The following ATP8B3 variants were observed in gnomAD, a reference collection of about 807,000 sequenced individuals.
ATP8B3 encodes the protein phospholipid-transporting ATPase IK.
A neutral mutation model predicts 140.9 loss-of-function variants in ATP8B3; 141 were observed. The ratio of observed to expected loss-of-function variants is 1.00; its 90% CI spans 0.87 to 1.15. The LOEUF is 1.15. ATP8B3 is among the 50% of genes most tolerant of loss of function. ATP8B3 has a pLI of 0.00. For synonymous variants in ATP8B3, 765 were observed against 714.6 expected (o/e 1.07, Z -1.13); for missense variants, 1,874 against 1,740.6 (o/e 1.08, Z -1.36).
In ATP8B3 at chr19:1,800,233, C is replaced by G. The variant is rs377053479; in HGVS notation, c.1343+26G>C. Reference sequence around the variant, plus strand: ...ATGCCTCCCCGTTCCGCGTTTGCACCGGGGACGCAGCCGGCGGAGACTCAC... The same window carrying G: ...ATGCCTCCCCGTTCCGCGTTTGCACGGGGGACGCAGCCGGCGGAGACTCAC... On this transcript the variant is annotated intron_variant, in intron 13 of 28. Coordinates refer to ENST00000310127, the MANE Select transcript of ATP8B3 (RefSeq NM_138813.4). This position sits in a 1 kb window ranked among gnomAD's most constrained non-coding sequence, Gnocchi z 4.4. The G allele has an allele frequency of 1.9e-6, 3 of 1,606,390 alleles. No individual in the cohort carries two copies. The Admixed American group carries it at 5.1e-5, about 27-fold the overall frequency.
In ATP8B3 at chr19:1,807,189, G is replaced by A. The variant is rs371353799; in HGVS notation, c.594C>T (p.Thr198=). The stretch of plus-strand genomic sequence containing the variant: ...TCACCATGTCGTCCACCAGGTCCCG[G>A]GTGGCACGGATGAAGAGGAGGCAGA... ...PMVCLLFIRA[T]RDLVDDMGRH... The change falls in exon 6 of 29, where the codon ACC becomes ACT. Residue 198 remains threonine, a synonymous_variant. Coordinates refer to ENST00000310127, the MANE Select transcript of ATP8B3 (RefSeq NM_138813.4). The surrounding 1 kb of genome is among the most constrained non-coding windows in gnomAD (Gnocchi z 5.9). 1 of 1,612,738 alleles carries A rather than the reference G, an allele frequency of 6.2e-7. No homozygotes were observed. The highest frequency in any genetic ancestry group is 8.5e-7 in the Non-Finnish European group (1 of 1,179,610).
chr19:1,800,253 A>T lies in ATP8B3; in HGVS notation c.1343+6T>A. ...TGCACCGGGGACGCAGCCGGCGGAG[A>T]CTCACAGGATGAACATGGACATCGG... On this transcript the variant is annotated splice_donor_region_variant and intron_variant, in intron 13 of 28. Transcript: ENST00000310127. This position sits in a 1 kb window ranked among gnomAD's most constrained non-coding sequence, Gnocchi z 4.4. 6.2e-7 allele frequency: 1 copy of T among 1,609,636 alleles called. No homozygotes were observed. Among genetic ancestry groups the T allele is most frequent in the Non-Finnish European group, 8.5e-7 (1 of 1,178,228 alleles).
chr19:1,808,896 G>A (rs997387326), intron 4 of ATP8B3, among the ~76,000 whole-genome samples: 6 of 152,224 alleles, frequency 3.9e-5, no homozygotes, highest in Admixed American at 2.6e-4. Flanking sequence ...ATATCGGCCA[G>A]ACATGGTGGC....
chr19:1,810,637 C>T lies in ATP8B3; in HGVS notation c.295G>A (p.Glu99Lys), dbSNP rs773077796. 3 of 1,613,056 alleles carry T rather than the reference C, an allele frequency of 1.9e-6. No homozygotes were observed. The East Asian group carries it at 6.7e-5, about 36-fold the overall frequency. The change falls in exon 3 of 29, where the codon GAG becomes AAG. Residue 99 changes from glutamate (E) to lysine (K), a missense_variant. By Grantham distance (56) the Glu-to-Lys change is moderately conservative. Transcript: ENST00000310127. ...SLGQREDLQD[E>K]DRNSAFTWKV... Reference sequence around the variant, plus strand: ...GGATCAGCACCTGAGTTCCTGTCCTCATCTTGGAGATCTTCTCTCTGGCCG... The same window carrying T: ...GGATCAGCACCTGAGTTCCTGTCCTTATCTTGGAGATCTTCTCTCTGGCCG...
At chr19:1,796,388 CTGT>C in intron 16 of ATP8B3, 123 bp from the exon 17 acceptor site, 1 of 965,930 alleles carries the variant, frequency 1.0e-6, no homozygotes, top group Non-Finnish European at 1.5e-6. Flanking sequence ...GGACCCCCGC[CTGT>C]ACAACCCAAT....
Position 1,790,132 on chromosome 19 carries a change from C to T in ATP8B3, c.2379-143G>A, listed in dbSNP as rs1370107171. On this transcript the variant is annotated intron_variant, in intron 21 of 28. Coordinates refer to ENST00000310127, the MANE Select transcript of ATP8B3 (RefSeq NM_138813.4). ...TCCTCCCCACTTCCCTCTTCCCCTC[C>T]CCTTTCCTCCTCCTCCCGCCGCTGC... The T allele has an allele frequency of 3.2e-5, 20 of 616,436 alleles. No homozygotes were observed. The Admixed American group carries it at 4.9e-4, about 15-fold the overall frequency. The allele number at this position is 616,436 out of a possible 1,614,324, so 38.2% of individuals were successfully genotyped here.
Position 1,803,896 on chromosome 19 carries a change from C to CAAAAAAAA in ATP8B3, c.905-1259_905-1252dup, listed in dbSNP as rs56937286. The stretch of plus-strand genomic sequence containing the variant: ...GGGCAACAAGAGCGAGACTCTGTCT[C>CAAAAAAAA]AAAAAAAAAAAAAAAAAAAAAAAGG... On this transcript the variant is annotated intron_variant, in intron 10 of 28. Coordinates refer to ENST00000310127, the MANE Select transcript of ATP8B3 (RefSeq NM_138813.4). 4.1e-5 allele frequency among the ~76,000 whole-genome samples: 3 copies of CAAAAAAAA among 72,424 alleles called. 1 individual carries two copies. Among genetic ancestry groups the CAAAAAAAA allele is most frequent in the African/African-American group, 9.8e-5 (2 of 20,498 alleles). The allele number at this position is 72,424 out of a possible 152,430, so 47.5% of individuals were successfully genotyped here.
chr19:1,783,070 T>A lies in ATP8B3; in HGVS notation c.3861A>T (p.Pro1287=), dbSNP rs746980976. The change falls in exon 29 of 29, where the codon CCA becomes CCT. Residue 1287 remains proline (P), a synonymous_variant. Transcript: ENST00000310127. ...GGCTCGAAGCTGCCTCTTCATCAGA[T>A]GGGTCTAGGGATTCAGATGCTATGT... The part of the protein sequence containing the change: ...SSDIASESLD[P]SDEEAASSPK... The A allele has an allele frequency of 1.2e-6, 2 of 1,612,760 alleles. No individual in the cohort carries two copies. Among genetic ancestry groups the A allele is most frequent in the Admixed American group, 3.3e-5 (2 of 59,822 alleles).
At chr19:1,802,190 T>G in intron 11 of ATP8B3, 146 bp from the exon 12 acceptor site, 4 of 224,786 alleles carry the variant, frequency 1.8e-5, no homozygotes, top group Non-Finnish European at 3.4e-5. Context: ...CATCCACCCC[T>G]CACCCACCCA....
intron 21 of ATP8B3, 89 bp from the exon 22 acceptor site, chr19:1,790,078 AC>A: frequency 2.6e-6 from 2 of 773,918 alleles, no homozygotes. Context: ...CACCCCTTCC[AC>A]TGCCCACTCC....
intron 23 of ATP8B3, 61 bp downstream of exon 23, chr19:1,789,300 C>G (rs1459810697): frequency 1.0e-5 from 15 of 1,438,940 alleles, no homozygotes; most frequent in Non-Finnish European, 1.3e-5. Context: ...GTCCCACCAC[C>G]GCCTCCGTCA....
Position 1,789,009 on chromosome 19 carries a change from C to A in ATP8B3, c.2957G>T (p.Gly986Val), listed in dbSNP as rs780428511. The A allele has an allele frequency of 6.2e-7, 1 of 1,610,120 alleles. No individual in the cohort carries two copies. The highest frequency in any genetic ancestry group is 1.1e-5 in the South Asian group (1 of 90,398). The change falls in exon 24 of 29, where the codon GGC becomes GTC. Residue 986 changes from glycine (G) to valine (V), a missense_variant. Physicochemically the swap from Gly to Val is moderately radical, Grantham distance 109 (BLOSUM62 -3). Around this residue, in one of 3 missense-constraint regions of ATP8B3, gnomAD observed 840 missense variants for 760.9 expected, o/e 1.10. Coordinates refer to ENST00000310127, the MANE Select transcript of ATP8B3 (RefSeq NM_138813.4). Reference protein sequence around the residue: ...CFLQRLLLVHGRWSYVRICKF... With the variant: ...CFLQRLLLVHVRWSYVRICKF... ...GCAGATCCGCACGTAGGACCAGCGG[C>A]CGTGCACCAGCAGGAGGCGCTGCAG...
chr19:1,793,521 C>T (rs2068579147), intron 18 of ATP8B3, among the ~76,000 whole-genome samples: 1 of 152,212 alleles, frequency 6.6e-6, no homozygotes, highest in Admixed American at 6.5e-5. Context: ...CTTTGGCTCT[C>T]TGAGCCCCTT....
intron 22 of ATP8B3, 48 bp downstream of exon 22, chr19:1,789,842 C>A (rs1317234377): frequency 1.2e-6 from 2 of 1,602,914 alleles, no homozygotes; most frequent in South Asian, 2.2e-5. Context: ...CCCCTCCAGG[C>A]CCCTCCCTGG....
Position 1,789,740 on chromosome 19 carries a change from G to T in ATP8B3, c.2479-13C>A. 1 of 1,548,758 alleles carries T rather than the reference G, an allele frequency of 6.5e-7. No individual in the cohort carries two copies. Among genetic ancestry groups the T allele is most frequent in the East Asian group, 2.3e-5 (1 of 44,208 alleles). ...CCAGCAGTTTGTCCTGGCCGGCGGG[G>T]AGGGGGCTGTGCCAGGCGCCGTGGC... On this transcript the variant is annotated splice_polypyrimidine_tract_variant and intron_variant, in intron 22 of 28. Transcript: ENST00000310127.
At chr19:1,786,235 G>A (rs768692805) in intron 25 of ATP8B3, among the ~76,000 whole-genome samples, 37 of 151,940 alleles carry the variant, frequency 2.4e-4, no homozygotes, top group Admixed American at 5.2e-4. Flanking sequence ...TGGCTGAGAC[G>A]GGGCAGTTTA....
At chr19:1,801,570 G>C (rs1330725247) in intron 12 of ATP8B3, among the ~76,000 whole-genome samples, 2 of 152,048 alleles carry the variant, frequency 1.3e-5, no homozygotes, top group Admixed American at 6.6e-5. Context: ...GGGCAACATG[G>C]TAAAACTCCG....
chr19:1,808,414 C>T, intron 4 of ATP8B3, 79 bp from the exon 5 acceptor site: 2 of 976,568 alleles, frequency 2.0e-6, no homozygotes, highest in Non-Finnish European at 3.2e-6. Context: ...GCCAGACCTG[C>T]CTCACTTGGC....
rs757373346 is a variant in ATP8B3, at chr19:1,795,939, G to A, written c.1991C>T (p.Thr664Met). Reference protein sequence around the residue: ...AICLYTKGADTVIFERLHRRG... With the variant: ...AICLYTKGADMVIFERLHRRG... The stretch of plus-strand genomic sequence containing the variant: ...CCTGTGCAAGCGTTCGAAGATGACC[G>A]TGTCGGCGCCCTTGGTGTACAGGCA... The change falls in exon 18 of 29, where the codon ACG becomes ATG. Residue 664 changes from threonine to methionine, a missense_variant. By Grantham distance (81) the Thr-to-Met change is moderately conservative (BLOSUM62 -1). Transcript: ENST00000310127. The A allele has an allele frequency of 6.7e-5, 108 of 1,613,148 alleles. No individual in the cohort carries two copies. The Middle Eastern group carries it at 1.5e-3, about 22-fold the overall frequency.
Sources: allele counts gnomAD v4.1 joint callset (sites outside exome capture counted in the v4.1 genomes callset), GRCh38; gene constraint gnomAD v4.1.1; regional missense constraint gnomAD v4.1.1; non-coding constraint Gnocchi (gnomAD v3.1); transcripts MANE v1.5; gene names NCBI Gene and HGNC (gene_info 2026-07-23, HGNC 2026-07-21).